Variants in PDE4B observed in about 807,000 individuals in gnomAD.
The protein encoded by PDE4B is 3',5'-cyclic-AMP phosphodiesterase 4B.
PDE4B carries 20 observed loss-of-function variants against 82.2 expected under a neutral mutation model. That is an observed-to-expected ratio of 0.24 (90% CI 0.17 to 0.35). PDE4B has a LOEUF of 0.35. Ranked by LOEUF, PDE4B falls within the 10% of genes least tolerant of loss-of-function variation. The probability of loss-of-function intolerance (pLI) is 1.00; values close to 1 mark genes in which losing one functional copy is unlikely to be tolerated. For missense variants in PDE4B, 655 were observed against 907.2 expected (o/e 0.72, Z 3.57); for synonymous variants, 320 against 318.9 (o/e 1.00, Z -0.04).
At chr1:66,361,888 C>A in intron 10 of PDE4B, 95 bp downstream of exon 10, 1 of 996,868 alleles carries the variant, frequency 1.0e-6, no homozygotes, top group Non-Finnish European at 1.5e-6. Flanking sequence ...ATTGCTTTTG[C>A]ATTATTATTA....
At chr1:65,909,120 T>A (rs922562667) in intron 1 of PDE4B, among the ~76,000 whole-genome samples, 28 of 152,068 alleles carry the variant, frequency 1.8e-4, no homozygotes, top group Non-Finnish European at 1.9e-4. Flanking sequence ...TGGAAAACAG[T>A]TATTGGAGAA....
At chr1:66,273,621 G>A (rs982652127) in intron 7 of PDE4B, among the ~76,000 whole-genome samples, 6 of 152,198 alleles carry the variant, frequency 3.9e-5, no homozygotes, top group Non-Finnish European at 7.3e-5. Flanking sequence ...ATACTGTATT[G>A]TAATTATTTC....
intron 8 of PDE4B, among the ~76,000 whole-genome samples, chr1:66,344,203 C>A (rs946578603): frequency 2.0e-5 from 3 of 152,160 alleles, no homozygotes; most frequent in African/African-American, 4.8e-5. Flanking sequence ...GGTAGTTTTT[C>A]TTGGCCAGGC....
chr1:65,836,737 C>T (rs1285335274), intron 1 of PDE4B, among the ~76,000 whole-genome samples: 1 of 152,028 alleles, frequency 6.6e-6, no homozygotes, highest in Non-Finnish European at 1.5e-5. Context: ...CTGTCTTTAT[C>T]ATCATATAAA....
chr1:66,024,211 A>G (rs912644292), intron 3 of PDE4B, among the ~76,000 whole-genome samples: 1 of 152,162 alleles, frequency 6.6e-6, no homozygotes, highest in African/African-American at 2.4e-5. Context: ...GGGTGCAAAT[A>G]ATAGATAAAC....
rs569425140 is a variant in PDE4B at position 65,885,049 on chromosome 1, AG to A, written c.-70-28194del. ...AACAACCCCATCAAAAAGTGGGCAAAGGAGATGAACAGACACTTCTCAAAAG... is the reference window on the plus strand; with the variant it reads ...AACAACCCCATCAAAAAGTGGGCAAAGAGATGAACAGACACTTCTCAAAAG... On this transcript the variant is annotated intron_variant, in intron 1 of 16. Transcript: ENST00000341517. Among the ~76,000 whole-genome samples, 104 of 152,366 alleles carry A rather than the reference AG, an allele frequency of 6.8e-4. 1 individual carries two copies. The highest frequency in any genetic ancestry group is 2.5e-3 in the Admixed American group (38 of 15,304).
chr1:66,359,176 AGAACTTAGAATTTT>A (rs1662555321), intron 9 of PDE4B, among the ~76,000 whole-genome samples: 1 of 152,234 alleles, frequency 6.6e-6, no homozygotes, highest in African/African-American at 2.4e-5. Flanking sequence ...CTCAAAACCT[AGAACTTAGAATTTT>A]CAAGATGCAA....
intron 3 of PDE4B, among the ~76,000 whole-genome samples, chr1:66,069,985 A>G (rs1177163361): frequency 6.6e-6 from 1 of 152,022 alleles, no homozygotes; most frequent in Non-Finnish European, 1.5e-5. Context: ...AAGTGTGTGC[A>G]TGTGCATGTG....
At chr1:66,171,492 T>A (rs1557608380) in intron 3 of PDE4B, among the ~76,000 whole-genome samples, 1 of 152,184 alleles carries the variant, frequency 6.6e-6, no homozygotes, top group Non-Finnish European at 1.5e-5. Flanking sequence ...AAAAAGAATA[T>A]ATTAAAAAGG....
intron 3 of PDE4B, 130 bp downstream of exon 3, chr1:65,918,965 T>C (rs1422501656): frequency 3.1e-6 from 2 of 644,268 alleles, no homozygotes; most frequent in South Asian, 3.8e-5. Context: ...GAGAATTCGT[T>C]TCCCTTTAGA....
chr1:66,091,959 A>G (rs773213493), intron 3 of PDE4B, among the ~76,000 whole-genome samples: 4 of 152,100 alleles, frequency 2.6e-5, no homozygotes, highest in Non-Finnish European at 4.4e-5. Flanking sequence ...AAGAAGAAAT[A>G]TAAATTTACA....
intron 3 of PDE4B, among the ~76,000 whole-genome samples, chr1:66,048,204 T>C (rs1654819945): frequency 6.6e-6 from 1 of 151,922 alleles, no homozygotes; most frequent in South Asian, 2.1e-4. Context: ...TGGCTTTTGA[T>C]CACTAAACTT....
chr1:66,246,546 G>C (rs572014760), intron 3 of PDE4B, among the ~76,000 whole-genome samples: 10 of 152,332 alleles, frequency 6.6e-5, no homozygotes, highest in African/African-American at 2.4e-4. Flanking sequence ...GAGGCTAAGA[G>C]AGATTGTGTG....
intron 1 of PDE4B, among the ~76,000 whole-genome samples, chr1:65,795,300 A>T (rs893423392): frequency 6.6e-6 from 1 of 152,276 alleles, no homozygotes; most frequent in African/African-American, 2.4e-5. Flanking sequence ...AGAGGTCTTC[A>T]GTTAGAAAGA....
rs144053483 is a variant in PDE4B at position 65,907,470 on chromosome 1, T to A, written c.-70-5775T>A. Among the ~76,000 whole-genome samples, 1,042 of 152,246 alleles carry A rather than the reference T, an allele frequency of 6.8e-3. 13 individuals are homozygous for A. The highest frequency in any genetic ancestry group is 0.023 in the African/African-American group (949 of 41,570). ...AACCGAAGTCCCAGAGCTAAGTGGA[T>A]AACTAGAGCTAGGTGGATGTCGGGG... is the stretch of plus-strand genomic sequence containing the variant. On this transcript the variant is annotated intron_variant, in intron 1 of 16. Coordinates refer to ENST00000341517, the MANE Select transcript of PDE4B (RefSeq NM_002600.4).
chr1:66,101,606 G>A (rs575413277), intron 3 of PDE4B, among the ~76,000 whole-genome samples: 1 of 152,244 alleles, frequency 6.6e-6, no homozygotes, highest in South Asian at 2.1e-4. Flanking sequence ...TTTTTCATGT[G>A]TCTGTTGGCT....
chr1:66,185,432 G>A (rs1301804884), intron 3 of PDE4B, among the ~76,000 whole-genome samples: 1 of 152,066 alleles, frequency 6.6e-6, no homozygotes, highest in African/African-American at 2.4e-5. Context: ...TTCCACAATG[G>A]TTGAACTAGT....
At chr1:65,872,016 T>TAA (rs1381162467) in intron 1 of PDE4B, among the ~76,000 whole-genome samples, 4 of 152,150 alleles carry the variant, frequency 2.6e-5, no homozygotes, top group Non-Finnish European at 4.4e-5. Context: ...TAGGTGAAGC[T>TAA]AAAAATTGTG....
intron 7 of PDE4B, among the ~76,000 whole-genome samples, chr1:66,307,942 G>A (rs1031095885): frequency 1.3e-5 from 2 of 152,146 alleles, no homozygotes; most frequent in Admixed American, 1.3e-4. Context: ...TTTTGTGCCA[G>A]GCTTTAGCTG....
Sources: gnomAD v4.1 joint callset for allele counts (sites outside exome capture counted in the v4.1 genomes callset) on GRCh38, gnomAD v4.1.1 for gene constraint, MANE v1.5 for transcripts, NCBI Gene and HGNC (gene_info 2026-07-23, HGNC 2026-07-21) for gene names.